HPSE2: variants seen among roughly 807,000 people sequenced by gnomAD.
HPSE2 encodes the protein inactive heparanase-2.
In HPSE2, 38 loss-of-function variants were observed where a neutral mutation model predicts 60.5. The ratio of observed to expected loss-of-function variants is 0.63; its 90% CI spans 0.48 to 0.82. The LOEUF (loss-of-function observed/expected upper bound fraction) is 0.82. HPSE2 is among the 40% of genes least tolerant of loss of function. The pLI is 0.00. For synonymous variants in HPSE2, 295 were observed against 293.2 expected (o/e 1.01, Z -0.06); for missense variants, 713 against 740.4 (o/e 0.96, Z 0.43).
At chr10:98,717,169 C>T (rs72840593) in intron 5 of HPSE2, among the ~76,000 whole-genome samples, 1 of 152,152 alleles carries the variant, frequency 6.6e-6, no homozygotes, top group South Asian at 2.1e-4. Context: ...AGCTTCCTCA[C>T]CTCTCTCAGC....
chr10:98,695,653 T>C (rs1407211458), intron 5 of HPSE2, among the ~76,000 whole-genome samples: 2 of 152,182 alleles, frequency 1.3e-5, no homozygotes, highest in Non-Finnish European at 1.5e-5. Context: ...GATGGAGTCA[T>C]GCCACCCCCC....
chr10:99,006,324 T>A (rs1432387948), intron 3 of HPSE2, among the ~76,000 whole-genome samples: 1 of 151,882 alleles, frequency 6.6e-6, no homozygotes, highest in African/African-American at 2.4e-5. Flanking sequence ...GGACCCTGGA[T>A]CTGTTGGACC....
chr10:98,507,256 C>T (rs1015841790), intron 9 of HPSE2, among the ~76,000 whole-genome samples: 1 of 151,986 alleles, frequency 6.6e-6, no homozygotes, highest in Admixed American at 6.6e-5. Flanking sequence ...GATTCACAGG[C>T]CCTGAGTGTA....
chr10:99,169,085 C>T (rs535395568), intron 2 of HPSE2, among the ~76,000 whole-genome samples: 6 of 148,240 alleles, frequency 4.0e-5, no homozygotes, highest in South Asian at 2.2e-4. Context: ...CCCAGCTACT[C>T]GGGAGGCTGA....
chr10:99,238,482 C>G (rs192944346), upstream of HPSE2, among the ~76,000 whole-genome samples: 1 of 152,178 alleles, frequency 6.6e-6, no homozygotes, highest in Non-Finnish European at 1.5e-5. Flanking sequence ...TGCTTGTTTT[C>G]TTAATTCCTG....
intron 3 of HPSE2, among the ~76,000 whole-genome samples, chr10:98,872,595 A>G (rs1033169009): frequency 7.2e-5 from 11 of 152,118 alleles, no homozygotes; most frequent in Non-Finnish European, 1.5e-4. Flanking sequence ...TATGCTAGTT[A>G]TACTTTTTAA....
At chr10:99,070,996 C>T (rs1842771127) in intron 3 of HPSE2, among the ~76,000 whole-genome samples, 1 of 151,904 alleles carries the variant, frequency 6.6e-6, no homozygotes, top group South Asian at 2.1e-4. Flanking sequence ...TCTTCAATAT[C>T]CTGTTCTCAA....
chr10:98,940,595 C>T lies in HPSE2; in HGVS notation c.611-196539G>A, dbSNP rs550936297. On this transcript the variant is annotated intron_variant, in intron 3 of 11. Coordinates refer to ENST00000370552, the MANE Select transcript of HPSE2 (RefSeq NM_021828.5). ...CTGAAATTGTGGCAATAATCAATAG[C>T]TTACCAACCAAAAAGAGTCCAGGAC... 7.1e-5 allele frequency among the ~76,000 whole-genome samples: 10 copies of T among 141,154 alleles called. No individual in the cohort carries two copies. In the East Asian group the frequency reaches 8.0e-4, roughly 11 times the overall value. The allele number at this position is 141,154 out of a possible 152,430, so 92.6% of individuals were successfully genotyped here.
intron 7 of HPSE2, among the ~76,000 whole-genome samples, chr10:98,625,161 C>T (rs1946174338): frequency 1.3e-5 from 2 of 152,216 alleles, no homozygotes; most frequent in South Asian, 4.1e-4. Context: ...TTACAGTAAA[C>T]TGCTACTCCT....
At chr10:99,148,226 T>C (rs1411159349) in intron 2 of HPSE2, among the ~76,000 whole-genome samples, 1 of 152,208 alleles carries the variant, frequency 6.6e-6, no homozygotes. Context: ...AATCCTGGCT[T>C]GGTATTCACT....
intron 2 of HPSE2, among the ~76,000 whole-genome samples, chr10:99,152,695 C>A (rs1273941457): frequency 6.6e-6 from 1 of 152,124 alleles, no homozygotes; most frequent in Admixed American, 6.5e-5. Context: ...AATTAAGATG[C>A]ATAGTAAATC....
At chr10:98,546,496 G>A (rs866214848) in intron 9 of HPSE2, among the ~76,000 whole-genome samples, 6 of 151,328 alleles carry the variant, frequency 4.0e-5, no homozygotes, top group African/African-American at 1.2e-4. Flanking sequence ...CAGAAATAAC[G>A]CCGCATACCT....
chr10:99,168,195 T>A (rs896554928), intron 2 of HPSE2, among the ~76,000 whole-genome samples: 2 of 152,084 alleles, frequency 1.3e-5, no homozygotes, highest in Non-Finnish European at 2.9e-5. Context: ...AGATATTTCA[T>A]CTTCCTATCC....
intron 3 of HPSE2, among the ~76,000 whole-genome samples, chr10:98,844,920 C>T (rs1426913068): frequency 6.6e-6 from 1 of 152,168 alleles, no homozygotes; most frequent in Non-Finnish European, 1.5e-5. Flanking sequence ...TTCAAGTGCG[C>T]TCTTCCATTA....
At chr10:99,017,419 C>A (rs768388059) in intron 3 of HPSE2, among the ~76,000 whole-genome samples, 1 of 152,038 alleles carries the variant, frequency 6.6e-6, no homozygotes, top group Non-Finnish European at 1.5e-5. Context: ...CTGCTGAATT[C>A]GGTTTGCCAG....
chr10:99,185,839 T>C (rs1054828843), intron 2 of HPSE2, among the ~76,000 whole-genome samples: 15 of 151,642 alleles, frequency 9.9e-5, no homozygotes, highest in Middle Eastern at 3.4e-3. Flanking sequence ...ATGGCGGATG[T>C]TTTGTCAGAA....
intron 3 of HPSE2, among the ~76,000 whole-genome samples, chr10:98,989,371 T>A (rs1956462431): frequency 6.6e-6 from 1 of 151,934 alleles, no homozygotes; most frequent in African/African-American, 2.4e-5. Flanking sequence ...CTGGAAACCA[T>A]CATTCTCAGC....
At chr10:98,803,664 C>T (rs1339509686) in intron 3 of HPSE2, among the ~76,000 whole-genome samples, 1 of 150,920 alleles carries the variant, frequency 6.6e-6, no homozygotes, top group Non-Finnish European at 1.5e-5. Flanking sequence ...GGGCTCTGTT[C>T]TGTTCCATTG....
At chr10:98,692,521 C>A (rs113337486) in intron 6 of HPSE2, among the ~76,000 whole-genome samples, 1 of 151,968 alleles carries the variant, frequency 6.6e-6, no homozygotes, top group Admixed American at 6.5e-5. Context: ...GTAATCCCAG[C>A]ACTTTGGGAG....
Sources: gnomAD v4.1 joint callset for allele counts (sites outside exome capture counted in the v4.1 genomes callset) on GRCh38, gnomAD v4.1.1 for gene constraint, MANE v1.5 for transcripts, NCBI Gene and HGNC (gene_info 2026-07-23, HGNC 2026-07-21) for gene names.